Variants in SHISA6 observed in about 807,000 individuals in gnomAD.
The protein encoded by SHISA6 is protein shisa-6.
A neutral mutation model predicts 47.9 loss-of-function variants in SHISA6; 22 were observed. That is an observed-to-expected ratio of 0.46 (90% CI 0.33 to 0.66). SHISA6 has a LOEUF of 0.66. Ranked by LOEUF, SHISA6 falls within the 30% of genes least tolerant of loss-of-function variation. The pLI is 0.02. For synonymous variants in SHISA6, 388 were observed against 337.8 expected (o/e 1.15, Z -1.63); for missense variants, 680 against 764.6 (o/e 0.89, Z 1.30).
intron 2 of SHISA6, among the ~76,000 whole-genome samples, chr17:11,333,770 C>G (rs1177133896): frequency 1.3e-5 from 2 of 152,152 alleles, no homozygotes; most frequent in Non-Finnish European, 2.9e-5. Flanking sequence ...CATGGTGGCT[C>G]ATGCCTGTAG....
intron 2 of SHISA6, among the ~76,000 whole-genome samples, chr17:11,347,754 A>C (rs1341163618): frequency 6.6e-6 from 1 of 152,182 alleles, no homozygotes; most frequent in East Asian, 1.9e-4. Context: ...AGGAAGTGTC[A>C]GAGAAGGAAG....
intron 3 of SHISA6, among the ~76,000 whole-genome samples, chr17:11,508,248 A>G (rs2071516499): frequency 6.6e-6 from 1 of 152,230 alleles, no homozygotes; most frequent in East Asian, 1.9e-4. Context: ...CTGACACAGA[A>G]CACAGATTTA....
At chr17:11,343,581 G>A (rs1296803113) in intron 2 of SHISA6, among the ~76,000 whole-genome samples, 1 of 152,190 alleles carries the variant, frequency 6.6e-6, no homozygotes, top group Non-Finnish European at 1.5e-5. Flanking sequence ...GAACTGGGGG[G>A]CGTTGATCCC....
intron 2 of SHISA6, among the ~76,000 whole-genome samples, chr17:11,296,074 A>G (rs1411310718): frequency 6.6e-6 from 1 of 152,020 alleles, no homozygotes; most frequent in East Asian, 1.9e-4. Context: ...AACTGTCAGA[A>G]GACCAGTGTG....
intron 2 of SHISA6, among the ~76,000 whole-genome samples, chr17:11,279,493 T>C (rs549134385): frequency 2.0e-5 from 3 of 152,202 alleles, no homozygotes; most frequent in African/African-American, 7.2e-5. Flanking sequence ...TCCTCCATAG[T>C]TTTCAGGACC....
intron 2 of SHISA6, among the ~76,000 whole-genome samples, chr17:11,359,317 G>A (rs998990619): frequency 1.3e-5 from 2 of 152,144 alleles, no homozygotes; most frequent in Admixed American, 6.5e-5. Context: ...TTCTTAAATA[G>A]TGTGTGCTTT....
intron 3 of SHISA6, among the ~76,000 whole-genome samples, chr17:11,510,334 C>T (rs2071531775): frequency 6.6e-6 from 1 of 152,160 alleles, no homozygotes; most frequent in African/African-American, 2.4e-5. Context: ...AACTGAGTGC[C>T]TGAGTGGTCC....
At chr17:11,249,227 CG>C (rs1285510149) in intron 1 of SHISA6, among the ~76,000 whole-genome samples, 1 of 151,962 alleles carries the variant, frequency 6.6e-6, no homozygotes, top group African/African-American at 2.4e-5. Flanking sequence ...TGAGACCTAC[CG>C]GATCAATGCA....
intron 1 of SHISA6, among the ~76,000 whole-genome samples, chr17:11,242,740 G>T (rs551876735): frequency 6.6e-6 from 1 of 152,252 alleles, no homozygotes; most frequent in Admixed American, 6.5e-5. Flanking sequence ...GTTAAACCTG[G>T]TGGGGCATCT....
At chr17:11,407,030 A>G (rs1206176814) in intron 3 of SHISA6, among the ~76,000 whole-genome samples, 3 of 152,230 alleles carry the variant, frequency 2.0e-5, no homozygotes, top group Admixed American at 2.0e-4. Context: ...TAGCATTAGC[A>G]TGAGGAATTT....
In SHISA6 at chr17:11,493,155, C is replaced by T. The variant is rs1455460514; in HGVS notation, c.896-58741C>T. Among the ~76,000 whole-genome samples the T allele has an allele frequency of 5.9e-5, 9 of 152,288 alleles. No individual in the cohort carries two copies. The South Asian group carries it at 1.5e-3, about 25-fold the overall frequency. On this transcript the variant is annotated intron_variant, in intron 3 of 5. Coordinates refer to ENST00000441885, the MANE Select transcript of SHISA6 (RefSeq NM_207386.4). Reference sequence around the variant, plus strand: ...ACCTCCCTCATTTATATAGCAGGACCACCTCCTGACAACTGTGACCACTTA... The same window carrying T: ...ACCTCCCTCATTTATATAGCAGGACTACCTCCTGACAACTGTGACCACTTA...
intron 2 of SHISA6, among the ~76,000 whole-genome samples, chr17:11,342,222 G>C (rs16944604): frequency 0.085 from 12,909 of 152,114 alleles, 848 homozygotes; most frequent in East Asian, 0.23. Context: ...TGGAGCTGCA[G>C]CCTAAAACCA....
intron 3 of SHISA6, among the ~76,000 whole-genome samples, chr17:11,499,938 G>A (rs933819878): frequency 6.6e-6 from 1 of 152,234 alleles, no homozygotes; most frequent in Middle Eastern, 3.4e-3. Context: ...CTGGCCTCAA[G>A]TGATCCACCT....
intron 3 of SHISA6, among the ~76,000 whole-genome samples, chr17:11,395,737 C>T (rs908530712): frequency 6.6e-5 from 10 of 152,088 alleles, no homozygotes; most frequent in African/African-American, 2.2e-4. Context: ...ACGCTGGTCT[C>T]GAACTCCTGA....
At chr17:11,495,160 A>G (rs545483668) in intron 3 of SHISA6, among the ~76,000 whole-genome samples, 5 of 152,278 alleles carry the variant, frequency 3.3e-5, no homozygotes, top group African/African-American at 1.2e-4. Flanking sequence ...GGGTGAAAGC[A>G]TCTTGCCCAC....
At chr17:11,507,587 C>G (rs1474659703) in intron 3 of SHISA6, among the ~76,000 whole-genome samples, 4 of 152,178 alleles carry the variant, frequency 2.6e-5, no homozygotes, top group African/African-American at 9.6e-5. Context: ...TTTCCTCTTT[C>G]CCTGGATCTC....
chr17:11,305,294 C>T (rs1289821266), intron 2 of SHISA6, among the ~76,000 whole-genome samples: 1 of 152,184 alleles, frequency 6.6e-6, no homozygotes, highest in Non-Finnish European at 1.5e-5. Flanking sequence ...GATCTTTGTA[C>T]AACCCTTTTA....
intron 3 of SHISA6, among the ~76,000 whole-genome samples, chr17:11,402,288 G>A (rs545308663): frequency 2.7e-4 from 41 of 152,318 alleles, no homozygotes; most frequent in African/African-American, 8.7e-4. Context: ...CATAGTCAGA[G>A]GCCCAGGGAT....
chr17:11,309,236 A>G (rs1415656588), intron 2 of SHISA6, among the ~76,000 whole-genome samples: 3 of 152,240 alleles, frequency 2.0e-5, no homozygotes, highest in African/African-American at 4.8e-5. Flanking sequence ...AGTAGCTGGA[A>G]TTACAGGCTC....
Sources: gnomAD v4.1 joint callset for allele counts (sites outside exome capture counted in the v4.1 genomes callset) on GRCh38, gnomAD v4.1.1 for gene constraint, MANE v1.5 for transcripts, NCBI Gene and HGNC (gene_info 2026-07-23, HGNC 2026-07-21) for gene names.